Variants in ADAMTS17 observed in about 807,000 individuals in gnomAD.
The protein encoded by ADAMTS17 is ADAM metallopeptidase with thrombospondin type 1 motif 17, also known as A disintegrin and metalloproteinase with thrombospondin motifs 17.
A neutral mutation model predicts 141.5 loss-of-function variants in ADAMTS17; 113 were observed. That is an observed-to-expected ratio of 0.80 (90% CI 0.69 to 0.93). The LOEUF (loss-of-function observed/expected upper bound fraction) is 0.93, where lower values mean the gene tolerates loss of function less well. Ranked by LOEUF, ADAMTS17 falls within the 40% of genes least tolerant of loss-of-function variation. ADAMTS17 has a pLI of 0.00. For synonymous variants in ADAMTS17, 768 were observed against 630.6 expected, an observed-to-expected ratio of 1.22 and a Z score of -3.27; for missense variants, 1,659 against 1,517.9, an observed-to-expected ratio of 1.09 and a Z score of -1.54.
chr15:100,084,325 A>G (rs957387131), intron 15 of ADAMTS17, among the ~76,000 whole-genome samples: 1 of 152,232 alleles, frequency 6.6e-6, no homozygotes, highest in Admixed American at 6.5e-5. Flanking sequence ...AGGCTTGAGT[A>G]GGTAAACAAA....
chr15:100,009,295 G>T (rs576094212), intron 18 of ADAMTS17, among the ~76,000 whole-genome samples: 17 of 152,200 alleles, frequency 1.1e-4, no homozygotes, highest in Admixed American at 1.0e-3. Flanking sequence ...TATGTAGGTG[G>T]GTCCTCTGTG....
intron 18 of ADAMTS17, among the ~76,000 whole-genome samples, chr15:99,998,565 C>G (rs1357691781): frequency 2.0e-5 from 3 of 152,166 alleles, no homozygotes; most frequent in Non-Finnish European, 4.4e-5. Context: ...GATCGCGCCA[C>G]TGCACTCCAG....
intron 3 of ADAMTS17, among the ~76,000 whole-genome samples, chr15:100,309,255 G>A (rs1016280612): frequency 1.3e-5 from 2 of 152,254 alleles, no homozygotes; most frequent in African/African-American, 4.8e-5. Flanking sequence ...TCGGAGGCAT[G>A]TGGGGGCGAG....
intron 7 of ADAMTS17, among the ~76,000 whole-genome samples, chr15:100,205,828 G>T (rs991465466): frequency 1.3e-5 from 2 of 152,246 alleles, no homozygotes; most frequent in Admixed American, 6.5e-5. Flanking sequence ...GTAGAAAGGT[G>T]AGCAGGGATG....
At position 100,268,804 on chromosome 15, in the gene ADAMTS17, A is replaced by T. The variant is rs192980230; in HGVS notation, c.790-6369T>A. Among the ~76,000 whole-genome samples the T allele has an allele frequency of 3.9e-4, 60 of 152,356 alleles. 1 individual carries two copies. Among genetic ancestry groups the T allele is most frequent in the African/African-American group, 1.4e-3 (60 of 41,582 alleles). On this transcript the variant is annotated intron_variant, in intron 4 of 21. Coordinates refer to ENST00000268070, the MANE Select transcript of ADAMTS17 (RefSeq NM_139057.4). ...TTCTAAACTTCATATAGAACCAAAA[A>T]AGGGGCAGAACAGCCAAAGCAATCC...
At position 99,972,886 on chromosome 15, in the gene ADAMTS17, G is replaced by C. The variant is rs1417233134; in HGVS notation, c.*1516C>G. Reference sequence around the variant, plus strand: ...GTGACATGTAACAAAACAAAACACAGAAACACAGCACCAATAAATCAAGAA... The same window carrying C: ...GTGACATGTAACAAAACAAAACACACAAACACAGCACCAATAAATCAAGAA... On this transcript the variant is annotated 3_prime_UTR_variant, in exon 22 of 22. Transcript: ENST00000268070. The C allele has an allele frequency of 1.3e-5, 2 of 152,150 alleles. No individual in the cohort carries two copies. Among genetic ancestry groups the C allele is most frequent in the Non-Finnish European group, 2.9e-5 (2 of 68,032 alleles). 9.4% of individuals were successfully genotyped at this position (152,150 alleles called of 1,614,324 possible).
At chr15:100,086,904 T>G (rs1441101626) in intron 15 of ADAMTS17, among the ~76,000 whole-genome samples, 1 of 152,034 alleles carries the variant, frequency 6.6e-6, no homozygotes, top group Non-Finnish European at 1.5e-5. Context: ...GATCTAAAAT[T>G]GACACCCTAA....
At chr15:100,299,863 G>A (rs554088519) in intron 3 of ADAMTS17, among the ~76,000 whole-genome samples, 6 of 152,212 alleles carry the variant, frequency 3.9e-5, no homozygotes, top group Non-Finnish European at 5.9e-5. Context: ...CACACCCTAC[G>A]GGGGCCTGAG....
chr15:100,173,022 G>A (rs1038001212), intron 8 of ADAMTS17, among the ~76,000 whole-genome samples: 1 of 152,122 alleles, frequency 6.6e-6, no homozygotes, highest in South Asian at 2.1e-4. Context: ...GAAGGCTTGG[G>A]AAAACTAAGC....
At chr15:100,095,398 T>A (rs563420312) in intron 15 of ADAMTS17, among the ~76,000 whole-genome samples, 1 of 152,184 alleles carries the variant, frequency 6.6e-6, no homozygotes, top group Non-Finnish European at 1.5e-5. Context: ...AGGTTTCCTA[T>A]CCACACAGAG....
At chr15:100,022,055 G>A (rs1209405158) in intron 18 of ADAMTS17, among the ~76,000 whole-genome samples, 1 of 152,076 alleles carries the variant, frequency 6.6e-6, no homozygotes, top group East Asian at 1.9e-4. Context: ...GATCTAGTTC[G>A]GGCTCCCAGG....
rs186901084 is a variant in ADAMTS17, at chr15:100,186,264, G to A, written c.1181+13054C>T. ...TTAAATGCCATCTGGAAAGCTGTAA[G>A]GCACATGGCGAGTGCATGGACTTCA... On this transcript the variant is annotated intron_variant, in intron 8 of 21. Transcript: ENST00000268070. 3.4e-3 allele frequency among the ~76,000 whole-genome samples: 511 copies of A among 152,310 alleles called. 2 individuals carry two copies. The highest frequency in any genetic ancestry group is 0.012 in the African/African-American group (483 of 41,570).
intron 18 of ADAMTS17, among the ~76,000 whole-genome samples, chr15:100,007,355 G>A (rs778912990): frequency 6.6e-6 from 1 of 152,280 alleles, no homozygotes. Flanking sequence ...TGTGCCAGAG[G>A]GCAAGATGAT....
At chr15:100,105,001 A>G (rs188867782) in intron 14 of ADAMTS17, among the ~76,000 whole-genome samples, 2 of 152,376 alleles carry the variant, frequency 1.3e-5, no homozygotes, top group African/African-American at 4.8e-5. Context: ...GAGTGGGCTG[A>G]GGTTAACCTT....
chr15:99,974,142 G>C lies in ADAMTS17; in HGVS notation c.*260C>G, dbSNP rs747343009. 2 of 537,264 alleles carry C rather than the reference G, an allele frequency of 3.7e-6. No homozygotes were observed. Among genetic ancestry groups the C allele is most frequent in the Non-Finnish European group, 6.7e-6 (2 of 297,500 alleles). The allele number at this position is 537,264 out of a possible 1,614,324, so 33.3% of individuals were successfully genotyped here. On this transcript the variant is annotated 3_prime_UTR_variant, in exon 22 of 22. Coordinates refer to ENST00000268070, the MANE Select transcript of ADAMTS17 (RefSeq NM_139057.4). ...TTGTCTGCCAGAGGTGCTTCCCTTC[G>C]AGGTACCTGAAATCCTAGAAATTGA...
intron 3 of ADAMTS17, among the ~76,000 whole-genome samples, chr15:100,317,942 T>C (rs528443097): frequency 1.3e-5 from 2 of 152,182 alleles, no homozygotes; most frequent in South Asian, 2.1e-4. Flanking sequence ...GAGCAGAGCA[T>C]AGGACAGCGT....
At position 100,132,122 on chromosome 15, in the gene ADAMTS17, T is replaced by A; in HGVS notation, c.1606A>T (p.Thr536Ser). 6.2e-7 allele frequency: 1 copy of A among 1,613,996 alleles called. No homozygotes were observed. The highest frequency in any genetic ancestry group is 1.3e-5 in the African/African-American group (1 of 75,034). The change falls in exon 12 of 22, where the codon ACG becomes TCG. Residue 536 changes from threonine (T) to serine (S), a missense_variant. Physicochemically the swap from Thr to Ser is moderately conservative, Grantham distance 58. Transcript: ENST00000268070. ...CCGTCCACATGCTCCGGGATGGGCG[T>A]CTTGCTCACGCACTCCCCCGCGCGG... is the stretch of plus-strand genomic sequence containing the variant. ...WCRAGECVSK[T>S]PIPEHVDGDW...
At chr15:100,078,463 T>A (rs1325294853) in intron 15 of ADAMTS17, among the ~76,000 whole-genome samples, 1 of 152,094 alleles carries the variant, frequency 6.6e-6, no homozygotes, top group Non-Finnish European at 1.5e-5. Context: ...AGAATATTCA[T>A]CGGGGAAAGA....
chr15:100,203,537 C>G (rs1263415542), intron 7 of ADAMTS17, among the ~76,000 whole-genome samples: 1 of 152,194 alleles, frequency 6.6e-6, no homozygotes, highest in Non-Finnish European at 1.5e-5. Context: ...AACCCCATCT[C>G]TACTAAAAAT....
Sources: gnomAD v4.1 joint callset for allele counts (sites outside exome capture counted in the v4.1 genomes callset) on GRCh38, gnomAD v4.1.1 for gene constraint, MANE v1.5 for transcripts, NCBI Gene and HGNC (gene_info 2026-07-23, HGNC 2026-07-21) for gene names.